Variants in NRF1 observed in about 807,000 individuals in gnomAD.
NRF1 encodes the protein alpha palindromic-binding protein.
In NRF1, 5 loss-of-function variants were observed where a neutral mutation model predicts 58.5. The ratio of observed to expected loss-of-function variants is 0.09; its 90% CI spans 0.04 to 0.18. The LOEUF (loss-of-function observed/expected upper bound fraction) is 0.18, where lower values mean the gene tolerates loss of function less well. Among genes scored for constraint, NRF1 ranks in the 10% least tolerant of loss-of-function variants. The probability of loss-of-function intolerance (pLI) is 1.00; values close to 1 mark genes in which losing one functional copy is unlikely to be tolerated. For synonymous variants in NRF1, 224 were observed against 246.7 expected, an observed-to-expected ratio of 0.91 and a Z score of 0.86; for missense variants, 288 against 657.7, an observed-to-expected ratio of 0.44 and a Z score of 6.15.
intron 10 of NRF1, among the ~76,000 whole-genome samples, chr7:129,733,206 G>A (rs1407346665): frequency 1.3e-5 from 2 of 152,140 alleles, no homozygotes; most frequent in African/African-American, 4.8e-5. Context: ...GGTGGCTCAC[G>A]CCTGTAATCC....
At chr7:129,704,736 A>G (rs991632997) in intron 5 of NRF1, among the ~76,000 whole-genome samples, 1 of 152,172 alleles carries the variant, frequency 6.6e-6, no homozygotes, top group African/African-American at 2.4e-5. Context: ...ATTTTTAATA[A>G]TTTTGTGCAT....
intron 9 of NRF1, among the ~76,000 whole-genome samples, chr7:129,718,798 G>A (rs575820043): frequency 2.6e-5 from 4 of 152,266 alleles, no homozygotes; most frequent in African/African-American, 9.6e-5. Flanking sequence ...GGGTTCCAAC[G>A]TCACATAGAT....
intron 1 of NRF1, among the ~76,000 whole-genome samples, chr7:129,619,461 T>G (rs1800735994): frequency 3.3e-5 from 1 of 30,180 alleles, no homozygotes; most frequent in Non-Finnish European, 5.9e-5. Context: ...TATATACACG[T>G]GTGTGTGTGT....
At chr7:129,723,990 C>A (rs1803393305) in intron 9 of NRF1, among the ~76,000 whole-genome samples, 1 of 152,140 alleles carries the variant, frequency 6.6e-6, no homozygotes, top group Admixed American at 6.5e-5. Flanking sequence ...GGCAAAACTT[C>A]ATGACATTGG....
At chr7:129,652,203 A>C (rs1250393338) in intron 1 of NRF1, among the ~76,000 whole-genome samples, 1 of 152,212 alleles carries the variant, frequency 6.6e-6, no homozygotes, top group Admixed American at 6.5e-5. Flanking sequence ...TTACATAAAT[A>C]AATAATTATG....
chr7:129,651,682 C>T (rs888122106), intron 1 of NRF1, among the ~76,000 whole-genome samples: 1 of 152,138 alleles, frequency 6.6e-6, no homozygotes, highest in Non-Finnish European at 1.5e-5. Context: ...CTAAAATGCC[C>T]TAAGCAGTTT....
chr7:129,744,638 G>C (rs1170957779), intron 10 of NRF1, among the ~76,000 whole-genome samples: 1 of 152,184 alleles, frequency 6.6e-6, no homozygotes, highest in Non-Finnish European at 1.5e-5. Flanking sequence ...AGAAAAACTT[G>C]ATGAAGATGA....
intron 5 of NRF1, among the ~76,000 whole-genome samples, chr7:129,694,001 A>G (rs1001497329): frequency 6.6e-6 from 1 of 152,212 alleles, no homozygotes; most frequent in Non-Finnish European, 1.5e-5. Flanking sequence ...GACATTTGAA[A>G]GTGTTGTTTT....
At chr7:129,701,220 T>TTAAAAAAAAAGTAAAA (rs2116159460) in intron 5 of NRF1, among the ~76,000 whole-genome samples, 1 of 151,882 alleles carries the variant, frequency 6.6e-6, no homozygotes, top group African/African-American at 2.4e-5. Flanking sequence ...AACCAGTAAA[T>TTAAAAAAAAAGTAAAA]ATATAAAAAG....
At chr7:129,619,412 A>G (rs1800726086) in intron 1 of NRF1, among the ~76,000 whole-genome samples, 1 of 96,442 alleles carries the variant, frequency 1.0e-5, no homozygotes, top group Non-Finnish European at 1.9e-5. Context: ...ATATATATAT[A>G]TATATATATA....
At chr7:129,660,682 T>C (rs6978476) in intron 2 of NRF1, among the ~76,000 whole-genome samples, 66,426 of 150,634 alleles carry the variant, frequency 0.44, 17,638 homozygotes, top group Non-Finnish European at 0.58. Context: ...TGGACAGCTC[T>C]GCCCCCTGTG....
At chr7:129,625,975 C>T (rs947809828) in intron 1 of NRF1, among the ~76,000 whole-genome samples, 3 of 152,114 alleles carry the variant, frequency 2.0e-5, no homozygotes, top group Admixed American at 6.5e-5. Context: ...AGCCACCACA[C>T]CCAGCCCCAT....
chr7:129,657,729 C>A (rs749188095), intron 2 of NRF1, among the ~76,000 whole-genome samples, 155 bp downstream of exon 2: 4 of 151,520 alleles, frequency 2.6e-5, no homozygotes, highest in Non-Finnish European at 5.9e-5. Context: ...CCCATCTCAG[C>A]CTCTGGAGTA....
At chr7:129,744,590 T>C (rs1052329305) in intron 10 of NRF1, among the ~76,000 whole-genome samples, 1 of 152,102 alleles carries the variant, frequency 6.6e-6, no homozygotes, top group African/African-American at 2.4e-5. Context: ...CATTAACAAT[T>C]TGGCTATGCT....
chr7:129,702,934 A>G (rs1238403357), intron 5 of NRF1, among the ~76,000 whole-genome samples: 1 of 152,220 alleles, frequency 6.6e-6, no homozygotes, highest in Non-Finnish European at 1.5e-5. Context: ...TAGAGGGAAC[A>G]AGAGGAGAGG....
intron 1 of NRF1, among the ~76,000 whole-genome samples, chr7:129,615,640 A>G (rs1800643880): frequency 2.0e-5 from 3 of 152,350 alleles, no homozygotes; most frequent in Admixed American, 2.0e-4. Flanking sequence ...AACAGCAATG[A>G]AAAAGGAATC....
chr7:129,632,522 AC>A (rs1255576335), intron 1 of NRF1, among the ~76,000 whole-genome samples: 6 of 151,886 alleles, frequency 4.0e-5, no homozygotes, highest in Non-Finnish European at 7.4e-5. Context: ...CTTATTGGGC[AC>A]CCCTTCCCCA....
At chr7:129,710,038 AT>A (rs1803038620) in intron 6 of NRF1, among the ~76,000 whole-genome samples, 1 of 151,726 alleles carries the variant, frequency 6.6e-6, no homozygotes, top group Admixed American at 6.6e-5. Flanking sequence ...CCACGTATTT[AT>A]TTTTCATTTA....
chr7:129,682,440 A>C (rs1802337769), intron 4 of NRF1, among the ~76,000 whole-genome samples: 2 of 151,986 alleles, frequency 1.3e-5, no homozygotes, highest in Non-Finnish European at 2.9e-5. Flanking sequence ...CCTGGATGAC[A>C]GAGCAAGACC....
Sources: gnomAD v4.1 joint callset for allele counts (sites outside exome capture counted in the v4.1 genomes callset) on GRCh38, gnomAD v4.1.1 for gene constraint, MANE v1.5 for transcripts, NCBI Gene and HGNC (gene_info 2026-07-23, HGNC 2026-07-21) for gene names.